Variants in THRAP3 observed in about 807,000 individuals in gnomAD.
The protein encoded by THRAP3 is thyroid hormone receptor-associated protein 3.
Under a neutral mutation model 101.0 loss-of-function variants are expected in THRAP3, and 16 were observed. That is an observed-to-expected ratio of 0.16 (90% confidence interval 0.11 to 0.24). The LOEUF is 0.24. Ranked by LOEUF, THRAP3 falls within the 10% of genes least tolerant of loss-of-function variation. The pLI is 1.00. For synonymous variants in THRAP3, 407 were observed against 422.6 expected, an observed-to-expected ratio of 0.96 and a Z score of 0.45; for missense variants, 989 against 1,202.7, an observed-to-expected ratio of 0.82 and a Z score of 2.63.
the THRAP3 span, among the ~76,000 whole-genome samples, chr1:36,218,060 G>T: frequency 6.6e-6 from 1 of 152,168 alleles, no homozygotes; most frequent in African/African-American, 2.4e-5. Flanking sequence ...TGAACGCAGA[G>T]AAAAAGTTCT....
intron 2 of THRAP3, among the ~76,000 whole-genome samples, chr1:36,270,792 G>T (rs1178397490): frequency 2.0e-5 from 3 of 151,834 alleles, no homozygotes; most frequent in Non-Finnish European, 2.9e-5. Context: ...GGTCAGGCCG[G>T]TCTCCGACTC....
At chr1:36,246,952 T>C (rs1645238837) in intron 1 of THRAP3, among the ~76,000 whole-genome samples, 1 of 152,206 alleles carries the variant, frequency 6.6e-6, no homozygotes, top group South Asian at 2.1e-4. Context: ...ATATACATTG[T>C]TCACATTATA....
intron 1 of THRAP3, among the ~76,000 whole-genome samples, chr1:36,243,927 A>AC (rs1156856956): frequency 3.9e-5 from 4 of 102,120 alleles, no homozygotes; most frequent in South Asian, 3.9e-4. Context: ...CGGGGGGCTG[A>AC]CCCCCCCACC....
At chr1:36,263,340 T>G (rs1645472441) in intron 2 of THRAP3, among the ~76,000 whole-genome samples, 1 of 152,136 alleles carries the variant, frequency 6.6e-6, no homozygotes, top group African/African-American at 2.4e-5. Context: ...GCTCAAGTGA[T>G]CCACCCGCCT....
intron 4 of THRAP3, chr1:36,288,362 G>A (rs1451067664): frequency 1.0e-6 from 1 of 982,274 alleles, no homozygotes; most frequent in South Asian, 4.7e-5. Context: ...ATGCCTTTGG[G>A]TCCTCATAGT....
chr1:36,261,200 C>A (rs1287680976), intron 2 of THRAP3, among the ~76,000 whole-genome samples: 1 of 152,102 alleles, frequency 6.6e-6, no homozygotes, highest in Non-Finnish European at 1.5e-5. Context: ...GAGTTCGAGA[C>A]CAGCTGGCCA....
chr1:36,237,418 A>G (rs1557808507), intron 1 of THRAP3, among the ~76,000 whole-genome samples: 2 of 151,458 alleles, frequency 1.3e-5, no homozygotes, highest in Non-Finnish European at 2.9e-5. Context: ...CAGTTAGCCA[A>G]AATTGCTCCA....
rs1553121666 is a variant in THRAP3, at chr1:36,270,571, G to GGTTTTTTTTTTTT, written c.-32+11087_-32+11088insGTTTTTTTTTTTT. On this transcript the variant is annotated intron_variant, in intron 2 of 11. Transcript: ENST00000354618. ...TAAAAATACAGTTCTATTTGTTTAG[G>GGTTTTTTTTTTTT]TTTTTGTTTTTTTTTTTTTTTTTGA... Among the ~76,000 whole-genome samples the GGTTTTTTTTTTTT allele has an allele frequency of 2.1e-3, 67 of 31,874 alleles. 1 individual carries two copies. The highest frequency in any genetic ancestry group is 4.3e-3 in the African/African-American group (61 of 14,178). The allele number at this position is 31,874 out of a possible 152,430, so 20.9% of individuals were successfully genotyped here.
chr1:36,245,712 A>C (rs987882183), intron 1 of THRAP3, among the ~76,000 whole-genome samples: 5 of 152,178 alleles, frequency 3.3e-5, no homozygotes, highest in Non-Finnish European at 5.9e-5. Flanking sequence ...ATTTGAGGCT[A>C]GCTATGTTTT....
At chr1:36,256,490 G>A (rs1173046142) in intron 1 of THRAP3, among the ~76,000 whole-genome samples, 1 of 152,038 alleles carries the variant, frequency 6.6e-6, no homozygotes, top group Non-Finnish European at 1.5e-5. Flanking sequence ...CTCCCAAAGT[G>A]CTGGGATTAC....
chr1:36,233,651 A>G (rs1230142042), intron 1 of THRAP3, among the ~76,000 whole-genome samples: 1 of 152,184 alleles, frequency 6.6e-6, no homozygotes, highest in African/African-American at 2.4e-5. Flanking sequence ...CTGTAGTCCC[A>G]GCTACTTAGG....
rs140506294 is a variant in THRAP3 at position 36,296,668 on chromosome 1, G to A, written c.2201G>A (p.Arg734Gln). Residue 734 changes from arginine to glutamine, a missense_variant, in exon 9 of 12, where the codon CGA (arginine) becomes CAA (glutamine). Transcript: ENST00000354618. ...AAACATAAGGAGAGAGATCTTAAACGAGGTAAATCGAGAGAATCAGTGGAT... is the reference window on the plus strand; with the variant it reads ...AAACATAAGGAGAGAGATCTTAAACAAGGTAAATCGAGAGAATCAGTGGAT... ...RKKHKERDLK[R>Q]GKSRESVDSR... 2.9e-5 allele frequency: 46 copies of A among 1,610,182 alleles called. No homozygotes were observed. The highest frequency in any genetic ancestry group is 3.7e-5 in the Non-Finnish European group (44 of 1,179,144).
In THRAP3 at chr1:36,286,009, C is replaced by T. The variant is rs555533629; in HGVS notation, c.138-359C>T. Among the ~76,000 whole-genome samples, 1 of 152,256 alleles carries T rather than the reference C, an allele frequency of 6.6e-6. No homozygotes were observed. Among genetic ancestry groups the T allele is most frequent in the East Asian group, 1.9e-4 (1 of 5,178 alleles). On this transcript the variant is annotated intron_variant, in intron 3 of 11. Transcript: ENST00000354618. The surrounding 1 kb of genome is among the most constrained non-coding windows in gnomAD (Gnocchi z 5.5). ...AATGACCTGGAGCCCTGTTAAAATCCCCGTGCCTGTGAAACTGTAAGCTAT... is the reference window on the plus strand; with the variant it reads ...AATGACCTGGAGCCCTGTTAAAATCTCCGTGCCTGTGAAACTGTAAGCTAT...
chr1:36,281,144 TG>T (rs1222424706), intron 2 of THRAP3, among the ~76,000 whole-genome samples: 1 of 152,046 alleles, frequency 6.6e-6, no homozygotes, highest in African/African-American at 2.4e-5. Context: ...TGATCTCAGG[TG>T]ATCAGCCCAC....
In THRAP3 at chr1:36,289,604, G is replaced by T; in HGVS notation, c.1585G>T (p.Val529Phe). 2 of 1,614,196 alleles carry T rather than the reference G, an allele frequency of 1.2e-6. No individual in the cohort carries two copies. The highest frequency in any genetic ancestry group is 1.7e-6 in the Non-Finnish European group (2 of 1,180,034). ...KNFRVTAYKAVQEKSSSPPPR... is the reference protein window; with the variant it reads ...KNFRVTAYKAFQEKSSSPPPR... ...TTTCCGAGTGACTGCTTATAAAGCA[G>T]TCCAGGAGAAAAGCTCATCACCTCC... Residue 529 changes from valine (V) to phenylalanine (F), a missense_variant, in exon 5 of 12, where the codon GTC becomes TTC. Coordinates refer to ENST00000354618, the MANE Select transcript of THRAP3 (RefSeq NM_005119.4).
At chr1:36,233,048 T>C (rs1645046652) in intron 1 of THRAP3, among the ~76,000 whole-genome samples, 1 of 151,620 alleles carries the variant, frequency 6.6e-6, no homozygotes, top group South Asian at 2.1e-4. Flanking sequence ...TTTGTGTTTT[T>C]AGTAGGGACA....
chr1:36,293,819 A>G, intron 7 of THRAP3, 32 bp from the exon 8 acceptor site: 1 of 1,560,210 alleles, frequency 6.4e-7, no homozygotes, highest in Non-Finnish European at 8.8e-7. Flanking sequence ...CACACAATGG[A>G]ATACTATATC....
At chr1:36,269,040 A>ATTTTTGTT (rs1645554698) in intron 2 of THRAP3, among the ~76,000 whole-genome samples, 1 of 150,678 alleles carries the variant, frequency 6.6e-6, no homozygotes, top group Non-Finnish European at 1.5e-5. Flanking sequence ...TAGTTTTTTA[A>ATTTTTGTT]TCTGGAGAAA....
At chr1:36,248,932 C>T (rs564081199) in intron 1 of THRAP3, among the ~76,000 whole-genome samples, 1 of 150,758 alleles carries the variant, frequency 6.6e-6, no homozygotes, top group Non-Finnish European at 1.5e-5. Flanking sequence ...CAGTGTCTTG[C>T]TCTGTTTCCC....
Sources: allele counts gnomAD v4.1 joint callset (sites outside exome capture counted in the v4.1 genomes callset), GRCh38; gene constraint gnomAD v4.1.1; non-coding constraint Gnocchi (gnomAD v3.1); transcripts MANE v1.5; gene names NCBI Gene and HGNC (gene_info 2026-07-23, HGNC 2026-07-21).